The following COLQ variants were observed in gnomAD, a reference collection of about 807,000 sequenced individuals.
The protein encoded by COLQ is acetylcholinesterase collagenic tail peptide.
A neutral mutation model predicts 69.0 loss-of-function variants in COLQ; 48 were observed. The observed-to-expected ratio is 0.70, with a 90% CI of 0.55 to 0.88. The LOEUF is 0.88. Ranked by LOEUF, COLQ falls within the 40% of genes least tolerant of loss-of-function variation. The pLI is 0.00. For missense variants in COLQ, 618 were observed against 594.6 expected (o/e 1.04, Z -0.41); for synonymous variants, 217 against 211.2 (o/e 1.03, Z -0.24).
At chr3:15,512,171 A>G (rs1199191439) in intron 1 of COLQ, among the ~76,000 whole-genome samples, 1 of 152,166 alleles carries the variant, frequency 6.6e-6, no homozygotes, top group East Asian at 1.9e-4. Context: ...AGTGGTACAG[A>G]AGGATGAGTG....
chr3:15,458,822 A>G (rs1264450268), intron 12 of COLQ, among the ~76,000 whole-genome samples: 3 of 151,746 alleles, frequency 2.0e-5, no homozygotes, highest in African/African-American at 7.3e-5. Context: ...GTTTTAAAAA[A>G]CTTTTGTTTT....
intron 1 of COLQ, chr3:15,498,580 C>A (rs1473808619): frequency 6.4e-7 from 1 of 1,551,958 alleles, no homozygotes; most frequent in African/African-American, 1.4e-5. Context: ...GAATGATGAG[C>A]CCGTCATTGT....
At chr3:15,474,624 A>G (rs2062347282) in intron 8 of COLQ, among the ~76,000 whole-genome samples, 1 of 152,144 alleles carries the variant, frequency 6.6e-6, no homozygotes, top group Admixed American at 6.5e-5. Flanking sequence ...TGCATCACCA[A>G]TTTCCTCCAG....
At chr3:15,452,366 C>A (rs1318998680) in intron 16 of COLQ, among the ~76,000 whole-genome samples, 2 of 152,160 alleles carry the variant, frequency 1.3e-5, no homozygotes, top group Non-Finnish European at 1.5e-5. Context: ...AGTGCCTGGC[C>A]TGAGTAACTG....
At chr3:15,521,313 C>T (rs372223984) in intron 1 of COLQ, among the ~76,000 whole-genome samples, 2 of 152,178 alleles carry the variant, frequency 1.3e-5, no homozygotes, top group African/African-American at 4.8e-5. Context: ...TTTGAGCAGC[C>T]AGGTAGGAGC....
chr3:15,509,628 T>G (rs2062956998), intron 1 of COLQ, among the ~76,000 whole-genome samples: 1 of 152,216 alleles, frequency 6.6e-6, no homozygotes, highest in South Asian at 2.1e-4. Context: ...CCTGAGTACA[T>G]ATTCTGACCC....
In COLQ at chr3:15,451,578, G is replaced by T; in HGVS notation, c.*66C>A. 6.7e-7 allele frequency: 1 copy of T among 1,484,092 alleles called. No homozygotes were observed. 91.9% of individuals were successfully genotyped at this position (1,484,092 alleles called of 1,614,324 possible). A position where few individuals can be genotyped will look rare whatever the true frequency, so the allele number is the denominator to read the frequency against. Reference sequence around the variant, plus strand: ...TGGAGACGGGGCCAGGACATGGCCAGTTTGATGACAGTGGAGAAGCTGCTG... The same window carrying T: ...TGGAGACGGGGCCAGGACATGGCCATTTTGATGACAGTGGAGAAGCTGCTG... On this transcript the variant is annotated 3_prime_UTR_variant, in exon 17 of 17. Coordinates refer to ENST00000383788, the MANE Select transcript of COLQ (RefSeq NM_005677.4).
intron 1 of COLQ, among the ~76,000 whole-genome samples, chr3:15,502,700 C>T (rs1447463698): frequency 6.6e-6 from 1 of 152,150 alleles, no homozygotes; most frequent in Non-Finnish European, 1.5e-5. Flanking sequence ...AGGTGTGAGC[C>T]ACCACGCCCG....
intron 1 of COLQ, among the ~76,000 whole-genome samples, chr3:15,510,781 TGGAGGGGAGG>T (rs1282958917): frequency 6.0e-5 from 1 of 16,638 alleles, no homozygotes; most frequent in African/African-American, 2.3e-4. Flanking sequence ...GGGAGGGGAA[TGGAGGGGAGG>T]GGAGGGGAGA....
chr3:15,521,508 G>A lies in COLQ; in HGVS notation c.106+12C>T, dbSNP rs1010572439. The A allele has an allele frequency of 1.2e-6, 2 of 1,613,910 alleles. No individual in the cohort carries two copies. Among genetic ancestry groups the A allele is most frequent in the African/African-American group, 2.7e-5 (2 of 74,930 alleles). ...ACAGATGGAAGAGAGGAAAGTTGTG[G>A]CCATCATTTACCTGCTGAGATTGGA... On this transcript the variant is annotated intron_variant, in intron 1 of 16. Transcript: ENST00000383788.
intron 1 of COLQ, among the ~76,000 whole-genome samples, chr3:15,502,406 C>T (rs563754487): frequency 6.6e-6 from 1 of 152,040 alleles, no homozygotes; most frequent in South Asian, 2.1e-4. Context: ...CATGAGCCAC[C>T]ATGCCCAGTC....
intron 1 of COLQ, among the ~76,000 whole-genome samples, chr3:15,502,498 C>T (rs2062845223): frequency 6.6e-6 from 1 of 152,174 alleles, no homozygotes; most frequent in African/African-American, 2.4e-5. Flanking sequence ...TCACTGCAAC[C>T]TCCACCTCCT....
intron 12 of COLQ, among the ~76,000 whole-genome samples, chr3:15,465,511 C>T (rs1242101541): frequency 6.6e-6 from 1 of 151,376 alleles, no homozygotes; most frequent in East Asian, 1.9e-4. Context: ...CGTGATCTGC[C>T]CACCTCGGCC....
intron 1 of COLQ, among the ~76,000 whole-genome samples, chr3:15,507,667 C>G (rs535924847): frequency 3.1e-4 from 47 of 152,294 alleles, no homozygotes; most frequent in African/African-American, 1.1e-3. Context: ...TGTTGGCCAG[C>G]TGGTCTCAAA....
chr3:15,492,416 C>T (rs1180816691), intron 1 of COLQ, among the ~76,000 whole-genome samples: 2 of 152,314 alleles, frequency 1.3e-5, no homozygotes, highest in Non-Finnish European at 2.9e-5. Context: ...CCTTTAATCC[C>T]AGCACTTTGG....
rs113843907 is a variant in COLQ at position 15,475,431 on chromosome 3, G to A, written c.522C>T (p.Gly174=). The change falls in exon 7 of 17, where the codon GGC becomes GGT. Residue 174 remains glycine, a synonymous_variant. Coordinates refer to ENST00000383788, the MANE Select transcript of COLQ (RefSeq NM_005677.4). ...MGLPGSRGPM[G]SKGYPGSRGE... The stretch of plus-strand genomic sequence containing the variant: ...ATTTGGACCCCACACTGACCTTGGA[G>A]CCCATTGGTCCTCTTGACCCTGGCA... 1.4e-5 allele frequency: 22 copies of A among 1,598,264 alleles called. No individual in the cohort carries two copies. The African/African-American group carries it at 1.9e-4, about 14-fold the overall frequency.
chr3:15,455,984 G>T lies in COLQ; in HGVS notation c.1110C>A (p.Asp370Glu). The stretch of plus-strand genomic sequence containing the variant: ...GCCCATCCCCACAGGTGCCGTGCTG[G>T]TCTGCAGTGTAATCCACAGGGTAGA... ...TPFYPVDYTADQHGTCGDGLL... is the reference protein window; with the variant it reads ...TPFYPVDYTAEQHGTCGDGLL... Residue 370 changes from aspartate to glutamate, a missense_variant, in exon 15 of 17, where the codon GAC becomes GAA. Asp to Glu is a conservative substitution (Grantham distance 45, BLOSUM62 2). Coordinates refer to ENST00000383788, the MANE Select transcript of COLQ (RefSeq NM_005677.4). 6.2e-7 allele frequency: 1 copy of T among 1,613,968 alleles called. No individual in the cohort carries two copies. The highest frequency in any genetic ancestry group is 8.5e-7 in the Non-Finnish European group (1 of 1,179,936).
At chr3:15,479,287 C>G (rs1229343631) in intron 4 of COLQ, 51 bp downstream of exon 4, 2 of 1,579,488 alleles carry the variant, frequency 1.3e-6, no homozygotes, top group Non-Finnish European at 1.7e-6. Flanking sequence ...GCCCAGAAAA[C>G]AGGCTGGAAT....
At chr3:15,459,768 C>T (rs977860249) in intron 12 of COLQ, among the ~76,000 whole-genome samples, 4 of 151,084 alleles carry the variant, frequency 2.6e-5, no homozygotes, top group Non-Finnish European at 4.4e-5. Context: ...TGTGAGCTGC[C>T]GCGCCTGGTC....
Sources: gnomAD v4.1 joint callset for allele counts (sites outside exome capture counted in the v4.1 genomes callset) on GRCh38, gnomAD v4.1.1 for gene constraint, MANE v1.5 for transcripts, NCBI Gene and HGNC (gene_info 2026-07-23, HGNC 2026-07-21) for gene names.